Variants in AHCYL1 observed in about 807,000 individuals in gnomAD.
AHCYL1 encodes adenosylhomocysteinase like 1, also known as S-adenosylhomocysteine hydrolase-like protein 1.
In AHCYL1, 20 loss-of-function variants were observed where a neutral mutation model predicts 79.3. The ratio of observed to expected loss-of-function variants is 0.25; its 90% confidence interval spans 0.18 to 0.37. AHCYL1 has a LOEUF of 0.37. Ranked by LOEUF, AHCYL1 falls within the 10% of genes least tolerant of loss-of-function variation. The pLI, the probability that AHCYL1 is intolerant of heterozygous loss-of-function variation, is 1.00. For missense variants in AHCYL1, 330 were observed against 673.6 expected (o/e 0.49, Z 5.65); for synonymous variants, 223 against 242.2 (o/e 0.92, Z 0.74).
chr1:110,011,397 T>G (rs749245874), intron 3 of AHCYL1, 40 bp downstream of exon 3: 5 of 1,604,306 alleles, frequency 3.1e-6, no homozygotes, highest in East Asian at 4.5e-5. Context: ...GAAACAACCC[T>G]CTTGTTGGCC....
At chr1:110,021,173 G>A (rs1300959340) in intron 16 of AHCYL1, among the ~76,000 whole-genome samples, 1 of 152,100 alleles carries the variant, frequency 6.6e-6, no homozygotes, top group African/African-American at 2.4e-5. Context: ...CCTGGGAGGC[G>A]GAGGTTGCAG....
At chr1:110,012,580 T>A in intron 4 of AHCYL1, 118 bp downstream of exon 4, 1 of 838,626 alleles carries the variant, frequency 1.2e-6, no homozygotes. Context: ...ATTAATAGGA[T>A]CTCCCTGTTA....
intron 1 of AHCYL1, among the ~76,000 whole-genome samples, chr1:109,997,970 C>T (rs988467219): frequency 4.6e-5 from 7 of 152,232 alleles, no homozygotes; most frequent in Non-Finnish European, 7.3e-5. Flanking sequence ...ACAGAGCCCA[C>T]AGTCCTCCCC....
At chr1:110,011,570 C>G (rs1017937912) in intron 3 of AHCYL1, among the ~76,000 whole-genome samples, 13 of 152,220 alleles carry the variant, frequency 8.5e-5, no homozygotes, top group Non-Finnish European at 1.8e-4. Flanking sequence ...GGTGATTACA[C>G]ACAGAGTAGT....
chr1:109,992,354 G>A (rs556892503), intron 1 of AHCYL1, among the ~76,000 whole-genome samples: 1 of 145,838 alleles, frequency 6.9e-6, no homozygotes, highest in Non-Finnish European at 1.5e-5. Flanking sequence ...AGGTTGCAGT[G>A]AGCCAAGATC....
intron 1 of AHCYL1, among the ~76,000 whole-genome samples, chr1:109,996,444 G>T (rs979137492): frequency 2.6e-5 from 4 of 152,182 alleles, no homozygotes; most frequent in African/African-American, 9.7e-5. Context: ...ACAAAACAAA[G>T]ATTCATACTC....
At chr1:109,996,211 A>G (rs1650021116) in intron 1 of AHCYL1, among the ~76,000 whole-genome samples, 1 of 152,222 alleles carries the variant, frequency 6.6e-6, no homozygotes, top group Admixed American at 6.5e-5. Context: ...CTATGTCTCA[A>G]AAAAGAAAAA....
At position 110,022,598 on chromosome 1, in the gene AHCYL1, G is replaced by A. The variant is rs1227320583; in HGVS notation, c.*918G>A. 1 of 152,580 alleles carries A rather than the reference G, an allele frequency of 6.6e-6. No homozygotes were observed. Among genetic ancestry groups the A allele is most frequent in the African/African-American group, 2.4e-5 (1 of 41,428 alleles). 9.5% of individuals were successfully genotyped at this position (152,580 alleles called of 1,614,324 possible). A position where few individuals can be genotyped will look rare whatever the true frequency, so the allele number is the denominator to read the frequency against. The stretch of plus-strand genomic sequence containing the variant: ...GCCACAACAGCAAATTCTATCAGCT[G>A]TGTACCATACAGCTTGTGCTGAAGG... On this transcript the variant is annotated 3_prime_UTR_variant, in exon 17 of 17. Transcript: ENST00000369799.
Position 110,011,240 on chromosome 1 carries a change from G to A in AHCYL1, c.259G>A (p.Asp87Asn). ...SAASYTDSSD[D>N]EVSPREKQQT... ...TGCATCCTACACAGATAGCTCTGATGATGAGGTTTCTCCCCGAGAGAAGCA... is the reference window on the plus strand; with the variant it reads ...TGCATCCTACACAGATAGCTCTGATAATGAGGTTTCTCCCCGAGAGAAGCA... The change falls in exon 3 of 17, where the codon GAT becomes AAT. Residue 87 changes from aspartate to asparagine, a missense_variant. Transcript: ENST00000369799. 1 of 1,614,134 alleles carries A rather than the reference G, an allele frequency of 6.2e-7. No homozygotes were observed. Among genetic ancestry groups the A allele is most frequent in the Non-Finnish European group, 8.5e-7 (1 of 1,180,006 alleles).
At chr1:109,994,113 A>G (rs1183854523) in intron 1 of AHCYL1, among the ~76,000 whole-genome samples, 7 of 152,200 alleles carry the variant, frequency 4.6e-5, no homozygotes, top group Admixed American at 3.3e-4. Context: ...TTAGAATTAC[A>G]GTCTTCTGGG....
intron 1 of AHCYL1, chr1:110,003,861 A>G (rs531475004): frequency 2.2e-6 from 2 of 929,522 alleles, no homozygotes; most frequent in East Asian, 2.3e-4. Flanking sequence ...TCTTATGTTT[A>G]CTTCTAGTTG....
At chr1:110,018,231 G>T (rs979618900) in intron 11 of AHCYL1, 142 bp from the exon 12 acceptor site, 2 of 903,776 alleles carry the variant, frequency 2.2e-6, no homozygotes, top group Non-Finnish European at 3.4e-6. Context: ...AGCCTAAGGA[G>T]CGGTTATGCA....
intron 3 of AHCYL1, 152 bp from the exon 4 acceptor site, chr1:110,012,210 C>T: frequency 1.7e-6 from 1 of 587,884 alleles, no homozygotes; most frequent in Non-Finnish European, 2.9e-6. Flanking sequence ...TCCACTATTA[C>T]TGTGCCGTTG....
chr1:110,001,035 T>A, intron 1 of AHCYL1: 1 of 866,164 alleles, frequency 1.2e-6, no homozygotes, highest in Non-Finnish European at 1.4e-6. Context: ...TAAGTAAAAA[T>A]CTTCATGTAG....
chr1:109,996,324 T>C (rs1650027560), intron 1 of AHCYL1, among the ~76,000 whole-genome samples: 1 of 152,252 alleles, frequency 6.6e-6, no homozygotes, highest in Non-Finnish European at 1.5e-5. Flanking sequence ...CTACCGTTGC[T>C]CTTTTTCTCA....
At chr1:110,005,259 CTT>C (rs1650571734) in intron 1 of AHCYL1, among the ~76,000 whole-genome samples, 2 of 152,150 alleles carry the variant, frequency 1.3e-5, no homozygotes, top group African/African-American at 4.8e-5. Flanking sequence ...GTTCTTGACA[CTT>C]AGGAAGAAAC....
Position 110,021,659 on chromosome 1 carries a change from T to C in AHCYL1, c.1587-15T>C. 2 of 1,611,330 alleles carry C rather than the reference T, an allele frequency of 1.2e-6. No individual in the cohort carries two copies. The highest frequency in any genetic ancestry group is 1.7e-6 in the Non-Finnish European group (2 of 1,178,224). The stretch of plus-strand genomic sequence containing the variant: ...GAAGACATAAGTGTTAACCAATCAC[T>C]CTCTCTCTTTACAGATACTAATGGA... On this transcript the variant is annotated splice_polypyrimidine_tract_variant and intron_variant, in intron 16 of 16. Transcript: ENST00000369799.
At chr1:110,019,717 C>A in intron 15 of AHCYL1, 91 bp downstream of exon 15, 1 of 1,253,214 alleles carries the variant, frequency 8.0e-7, no homozygotes, top group Non-Finnish European at 1.1e-6. Flanking sequence ...AGTCAGAGTT[C>A]CAATTCCTGT....
chr1:110,016,128 T>C (rs186747608), intron 7 of AHCYL1, among the ~76,000 whole-genome samples: 2 of 152,246 alleles, frequency 1.3e-5, no homozygotes, highest in East Asian at 3.9e-4. Context: ...AAAGGCTTTT[T>C]TTTTTCTTCC....
Sources: gnomAD v4.1 joint callset for allele counts (sites outside exome capture counted in the v4.1 genomes callset) on GRCh38, gnomAD v4.1.1 for gene constraint, MANE v1.5 for transcripts, NCBI Gene and HGNC (gene_info 2026-07-23, HGNC 2026-07-21) for gene names.